The following MTA3 variants were observed in gnomAD, a reference collection of about 807,000 sequenced individuals.
MTA3 encodes the protein metastasis-associated protein MTA3.
In MTA3, 34 loss-of-function variants were observed where a neutral mutation model predicts 83.5. The observed-to-expected ratio is 0.41, with a 90% CI of 0.31 to 0.54. MTA3 has a LOEUF of 0.54. Ranked by LOEUF, MTA3 falls within the 20% of genes least tolerant of loss-of-function variation. The pLI is 0.33. For missense variants in MTA3, 761 were observed against 726.4 expected (o/e 1.05, Z -0.55); for synonymous variants, 303 against 252.7 (o/e 1.20, Z -1.89).
intron 3 of MTA3, among the ~76,000 whole-genome samples, chr2:42,599,590 C>CA (rs1312390748): frequency 5.4e-5 from 8 of 147,674 alleles, no homozygotes; most frequent in African/African-American, 7.5e-5. Flanking sequence ...ACTCCATCTC[C>CA]AAAAAAAAAG....
chr2:42,722,992 C>T lies in MTA3; in HGVS notation c.1716C>T (p.Ser572=). The change falls in exon 16 of 17, where the codon AGC becomes AGT. Residue 572 remains serine (S), a synonymous_variant. Transcript: ENST00000405094. The part of the protein sequence containing the change: ...MLTTPNHTSL[S]ILGKRNYSHH... ...CAACTCCAAATCACACATCTCTGAG[C>T]ATTCTGGGGAAAAGAAACTACAGTC... 1 of 1,551,084 alleles carries T rather than the reference C, an allele frequency of 6.4e-7. No individual in the cohort carries two copies. The highest frequency in any genetic ancestry group is 2.4e-5 in the East Asian group (1 of 40,922).
chr2:42,713,580 A>T (rs1287652418), intron 14 of MTA3, among the ~76,000 whole-genome samples: 1 of 151,254 alleles, frequency 6.6e-6, no homozygotes, highest in African/African-American at 2.4e-5. Context: ...TTCCTGATTT[A>T]CCCCATTCAA....
chr2:42,660,044 GT>G (rs1689530041), intron 8 of MTA3, among the ~76,000 whole-genome samples, 182 bp downstream of exon 8: 2 of 150,770 alleles, frequency 1.3e-5, no homozygotes, highest in African/African-American at 2.4e-5. Flanking sequence ...TGAGTTGAGA[GT>G]TTTTTGTGTC....
At chr2:42,556,702 G>A (rs112442220) in intron 2 of MTA3, among the ~76,000 whole-genome samples, 1,653 of 152,226 alleles carry the variant, frequency 0.011, 17 homozygotes, top group Middle Eastern at 0.048. Context: ...GAGTCAGTAT[G>A]ACAAGCAAGT....
chr2:42,543,820 A>G lies in MTA3; in HGVS notation c.-140-26617A>G, dbSNP rs189742570. Among the ~76,000 whole-genome samples the G allele has an allele frequency of 2.3e-4, 35 of 151,852 alleles. No individual in the cohort carries two copies. The East Asian group carries it at 6.6e-3, about 29-fold the overall frequency. On this transcript the variant is annotated intron_variant, in intron 2 of 17. Coordinates refer to the MTA3 transcript ENST00000405592. ...CATTTTAAAAAATTATGTATCTAAC[A>G]TATACATACATTAAAAAATATATAT...
chr2:42,554,209 G>A (rs899844766), intron 2 of MTA3, among the ~76,000 whole-genome samples: 2 of 152,144 alleles, frequency 1.3e-5, no homozygotes, highest in African/African-American at 4.8e-5. Flanking sequence ...ACTCCAGCCT[G>A]GGCGACAGAG....
intron 2 of MTA3, among the ~76,000 whole-genome samples, chr2:42,555,156 G>C (rs1253191700): frequency 6.6e-6 from 1 of 151,636 alleles, no homozygotes; most frequent in Non-Finnish European, 1.5e-5. Flanking sequence ...GGAAAATGCA[G>C]TAGCACAGTT....
At chr2:42,630,441 T>C (rs1414939068) in intron 4 of MTA3, among the ~76,000 whole-genome samples, 3 of 152,214 alleles carry the variant, frequency 2.0e-5, no homozygotes, top group Non-Finnish European at 4.4e-5. Flanking sequence ...GTTTTAGTCT[T>C]AGGTGTACTT....
intron 9 of MTA3, among the ~76,000 whole-genome samples, chr2:42,694,981 A>G (rs1693243951): frequency 6.6e-6 from 1 of 152,094 alleles, no homozygotes; most frequent in East Asian, 1.9e-4. Flanking sequence ...TCTACAAAAA[A>G]TAAAAAAGAA....
intron 16 of MTA3, among the ~76,000 whole-genome samples, chr2:42,729,536 A>G (rs998986114): frequency 6.6e-6 from 1 of 152,174 alleles, no homozygotes; most frequent in African/African-American, 2.4e-5. Flanking sequence ...TGAAGAGACT[A>G]TATTTTCTCC....
intron 2 of MTA3, among the ~76,000 whole-genome samples, chr2:42,542,276 T>C (rs1265290873): frequency 6.6e-6 from 1 of 152,132 alleles, no homozygotes; most frequent in African/African-American, 2.4e-5. Flanking sequence ...GCGAAGGGGA[T>C]GGGAATGTGG....
chr2:42,519,861 C>A (rs6544556), intron 2 of MTA3, among the ~76,000 whole-genome samples: 56,095 of 151,896 alleles, frequency 0.37, 10,543 homozygotes, highest in African/African-American at 0.43. Flanking sequence ...CCATCCTGGG[C>A]AACATGGTGA....
chr2:42,611,378 G>T (rs189873306), intron 4 of MTA3, among the ~76,000 whole-genome samples: 2 of 150,784 alleles, frequency 1.3e-5, no homozygotes, highest in Non-Finnish European at 2.9e-5. Flanking sequence ...ATACCTTTGT[G>T]CACAACTCCT....
intron 2 of MTA3, 120 bp downstream of exon 2, chr2:42,570,624 C>T (rs1279713770): frequency 1.2e-5 from 6 of 503,218 alleles, no homozygotes; most frequent in African/African-American, 9.7e-5. Flanking sequence ...AATTGGGAGG[C>T]CTGGCGAGTG....
At chr2:42,638,001 T>C (rs993540978) in intron 4 of MTA3, among the ~76,000 whole-genome samples, 1 of 152,116 alleles carries the variant, frequency 6.6e-6, no homozygotes, top group Non-Finnish European at 1.5e-5. Flanking sequence ...CAGTTACAGA[T>C]TTCTTTTTTT....
chr2:42,697,994 C>A (rs1693539190), intron 11 of MTA3, among the ~76,000 whole-genome samples, 160 bp downstream of exon 11: 1 of 152,064 alleles, frequency 6.6e-6, no homozygotes, highest in South Asian at 2.1e-4. Flanking sequence ...TAAAAAGGAG[C>A]CAGTGAGAGA....
chr2:42,655,163 A>C (rs1689057727), intron 6 of MTA3, among the ~76,000 whole-genome samples: 1 of 152,150 alleles, frequency 6.6e-6, no homozygotes, highest in Non-Finnish European at 1.5e-5. Flanking sequence ...TTGAAAGTTG[A>C]AGTTTAGTTC....
intron 8 of MTA3, among the ~76,000 whole-genome samples, chr2:42,674,209 A>G (rs926461410): frequency 2.0e-5 from 3 of 152,230 alleles, no homozygotes; most frequent in Admixed American, 6.5e-5. Flanking sequence ...AGCAAGTCAC[A>G]TGGCCAAGCC....
At chr2:42,594,025 C>T (rs1317430338) in intron 3 of MTA3, among the ~76,000 whole-genome samples, 1 of 149,324 alleles carries the variant, frequency 6.7e-6, no homozygotes, top group African/African-American at 2.5e-5. Flanking sequence ...GATCTCAGCT[C>T]ACTGCAACTT....
Sources: gnomAD v4.1 joint callset for allele counts (sites outside exome capture counted in the v4.1 genomes callset) on GRCh38, gnomAD v4.1.1 for gene constraint, MANE v1.5 for transcripts, NCBI Gene and HGNC (gene_info 2026-07-23, HGNC 2026-07-21) for gene names.